UNC5D: variants seen among roughly 807,000 people sequenced by gnomAD.
UNC5D encodes netrin receptor UNC5D.
In UNC5D, 39 loss-of-function variants were observed where a neutral mutation model predicts 105.4. The ratio of observed to expected loss-of-function variants is 0.37; its 90% confidence interval spans 0.29 to 0.48. The LOEUF is 0.48. Ranked by LOEUF, UNC5D falls within the 20% of genes least tolerant of loss-of-function variation. UNC5D has a pLI of 0.98. For synonymous variants in UNC5D, 452 were observed against 450.4 expected (o/e 1.00, Z -0.04); for missense variants, 991 against 1,202.4 (o/e 0.82, Z 2.60).
chr8:35,780,188 G>A (rs1379733265), intron 16 of UNC5D, among the ~76,000 whole-genome samples: 1 of 152,168 alleles, frequency 6.6e-6, no homozygotes, highest in Non-Finnish European at 1.5e-5. Flanking sequence ...ACTTGCCAGG[G>A]AAAACATATT....
At chr8:35,433,562 G>A (rs140186234) in intron 1 of UNC5D, among the ~76,000 whole-genome samples, 2,114 of 152,012 alleles carry the variant, frequency 0.014, 62 homozygotes, top group African/African-American at 0.049. Flanking sequence ...AAAAATAGTT[G>A]CTTATTTTAT....
intron 1 of UNC5D, among the ~76,000 whole-genome samples, chr8:35,542,019 A>T (rs1262752739): frequency 6.6e-6 from 1 of 152,206 alleles, no homozygotes; most frequent in Non-Finnish European, 1.5e-5. Flanking sequence ...AGGATTTAAG[A>T]TCTGCTCGAT....
intron 1 of UNC5D, among the ~76,000 whole-genome samples, chr8:35,253,473 C>CTTTTTTTTTTTTTTTTTTTTTTT (rs58063448): frequency 2.0e-5 from 2 of 99,848 alleles, no homozygotes; most frequent in Non-Finnish European, 3.7e-5. Flanking sequence ...ATTTTATTTC[C>CTTTTTTTTTTTTTTTTTTTTTTT]TTTTTTTTTT....
At chr8:35,461,176 C>A (rs1203556839) in intron 1 of UNC5D, among the ~76,000 whole-genome samples, 1 of 152,140 alleles carries the variant, frequency 6.6e-6, no homozygotes, top group Non-Finnish European at 1.5e-5. Flanking sequence ...AGTTACAGAG[C>A]TCATAGTCTT....
chr8:35,407,088 T>C (rs569566110), intron 1 of UNC5D, among the ~76,000 whole-genome samples: 2 of 152,266 alleles, frequency 1.3e-5, no homozygotes, highest in Admixed American at 6.5e-5. Flanking sequence ...TATATTTACA[T>C]ATGTTTATAT....
chr8:35,319,687 G>C (rs1348612620), intron 1 of UNC5D, among the ~76,000 whole-genome samples: 1 of 151,998 alleles, frequency 6.6e-6, no homozygotes, highest in Non-Finnish European at 1.5e-5. Flanking sequence ...TTGGCCATTA[G>C]CTTCTGATGT....
chr8:35,580,595 G>A (rs1563556143), intron 3 of UNC5D, among the ~76,000 whole-genome samples: 1 of 152,086 alleles, frequency 6.6e-6, no homozygotes, highest in Non-Finnish European at 1.5e-5. Context: ...GAGGGAGAAG[G>A]GAAAGATTTA....
At chr8:35,396,258 G>A (rs1485199316) in intron 1 of UNC5D, among the ~76,000 whole-genome samples, 1 of 152,058 alleles carries the variant, frequency 6.6e-6, no homozygotes, top group African/African-American at 2.4e-5. Context: ...CTCAGCGTAT[G>A]GTTGTATTCA....
intron 1 of UNC5D, among the ~76,000 whole-genome samples, chr8:35,527,625 C>T (rs544828106): frequency 6.6e-6 from 1 of 152,248 alleles, no homozygotes; most frequent in East Asian, 1.9e-4. Flanking sequence ...TCACTGCAAC[C>T]TCTGCTTCCT....
chr8:35,743,774 C>T (rs997958395), intron 11 of UNC5D, among the ~76,000 whole-genome samples: 1 of 151,980 alleles, frequency 6.6e-6, no homozygotes, highest in Admixed American at 6.6e-5. Flanking sequence ...CATATATATA[C>T]ATATATGTGC....
intron 1 of UNC5D, among the ~76,000 whole-genome samples, chr8:35,329,699 T>A (rs1810461688): frequency 1.3e-5 from 2 of 152,164 alleles, no homozygotes; most frequent in African/African-American, 4.8e-5. Context: ...AGTCTGTAAC[T>A]GGGGCCTAGT....
At chr8:35,415,083 T>C (rs2128961090) in intron 1 of UNC5D, among the ~76,000 whole-genome samples, 1 of 152,246 alleles carries the variant, frequency 6.6e-6, no homozygotes, top group East Asian at 1.9e-4. Context: ...GGTGCCTACA[T>C]AACTATATAA....
At chr8:35,291,156 A>G (rs1309140292) in intron 1 of UNC5D, among the ~76,000 whole-genome samples, 1 of 152,102 alleles carries the variant, frequency 6.6e-6, no homozygotes, top group Non-Finnish European at 1.5e-5. Context: ...GCTGAATGGA[A>G]AAAACAACAA....
intron 1 of UNC5D, among the ~76,000 whole-genome samples, chr8:35,512,177 A>G (rs1334889653): frequency 1.3e-5 from 2 of 152,188 alleles, no homozygotes; most frequent in East Asian, 1.9e-4. Flanking sequence ...AGTATAAAGC[A>G]TAAGTTCAAA....
chr8:35,380,222 G>GGA (rs1319752379), intron 1 of UNC5D, among the ~76,000 whole-genome samples: 55 of 132,272 alleles, frequency 4.2e-4, no homozygotes, highest in Middle Eastern at 4.3e-3. Flanking sequence ...AGAGAGAGAG[G>GGA]GAGAGAGAGA....
intron 1 of UNC5D, among the ~76,000 whole-genome samples, chr8:35,532,350 T>C (rs1016458853): frequency 6.7e-5 from 10 of 149,464 alleles, no homozygotes; most frequent in Non-Finnish European, 1.0e-4. Context: ...AAAATTCTTT[T>C]CTTTAAGAAT....
At chr8:35,436,399 T>G (rs913613050) in intron 1 of UNC5D, among the ~76,000 whole-genome samples, 5 of 152,080 alleles carry the variant, frequency 3.3e-5, no homozygotes, top group African/African-American at 1.2e-4. Flanking sequence ...CGGATAGGAT[T>G]CATTTATCTA....
At chr8:35,247,271 C>A (rs1803168711) in intron 1 of UNC5D, among the ~76,000 whole-genome samples, 1 of 71,048 alleles carries the variant, frequency 1.4e-5, no homozygotes, top group African/African-American at 5.3e-5. Context: ...TTTGAAATTA[C>A]AGAGATTTTT....
At chr8:35,781,814 G>T (rs544667780) in intron 16 of UNC5D, among the ~76,000 whole-genome samples, 3 of 152,256 alleles carry the variant, frequency 2.0e-5, no homozygotes, top group African/African-American at 7.2e-5. Context: ...GTTCTCATTT[G>T]GCAACAGACA....
Sources: allele counts gnomAD v4.1 joint callset (sites outside exome capture counted in the v4.1 genomes callset), GRCh38; gene constraint gnomAD v4.1.1; transcripts MANE v1.5; gene names NCBI Gene and HGNC (gene_info 2026-07-23, HGNC 2026-07-21).